TAF1D: variants seen among roughly 807,000 people sequenced by gnomAD.
TAF1D encodes TATA box-binding protein-associated factor RNA polymerase I subunit D.
Under a neutral mutation model 26.2 loss-of-function variants are expected in TAF1D, and 23 were observed. That is an observed-to-expected ratio of 0.88 (90% CI 0.63 to 1.25). The LOEUF is 1.25. Among genes scored for constraint, TAF1D ranks in the 50% most tolerant of loss-of-function variants. The pLI is 0.00. For missense variants in TAF1D, 299 were observed against 322.0 expected, an observed-to-expected ratio of 0.93 and a Z score of 0.55; for synonymous variants, 100 against 105.6, an observed-to-expected ratio of 0.95 and a Z score of 0.33.
At chr11:93,730,419 G>A (rs932111430) in exon 12 of TAF1D, 1 of 775,008 alleles carries the variant, frequency 1.3e-6, no homozygotes, top group African/African-American at 1.7e-5. Context: ...TAAAGAGCTG[G>A]AGTCAAAAGA....
chr11:93,738,205 A>ATC lies in TAF1D; in HGVS notation c.361_362dup (p.Asp121GlufsTer17), dbSNP rs778371905. The ATC allele has an allele frequency of 6.2e-7, 1 of 1,604,348 alleles. No homozygotes were observed. On this transcript the variant is annotated frameshift_variant, in exon 3 of 6. Transcript: ENST00000448108. LOFTEE classifies it high-confidence loss of function. ...CTCTGCTTCTAAATTGTTTCTTCTT[A>ATC]TCTATTAGTGAGTATATAGGATTTC...
At chr11:93,731,501 T>C (rs1365002917), downstream of TAF1D, 2 of 518,884 alleles carry the variant, frequency 3.9e-6, no homozygotes, top group East Asian at 5.4e-5. Context: ...TTAATGTAAA[T>C]GGATGTTCAG....
chr11:93,735,392 G>A (rs1215781974), downstream of TAF1D: 1 of 976,204 alleles, frequency 1.0e-6, no homozygotes. Context: ...GTAGTTAAAA[G>A]TAGTATTAGG....
downstream of TAF1D, chr11:93,734,529 G>A (rs532303170): frequency 1.8e-4 from 77 of 436,576 alleles, no homozygotes; most frequent in African/African-American, 1.5e-3. Context: ...TAAAAGCATG[G>A]TAGAAATGTC....
downstream of TAF1D, chr11:93,731,099 A>G (rs772758458): frequency 3.9e-6 from 2 of 509,636 alleles, no homozygotes; most frequent in Admixed American, 4.1e-5. Context: ...GGTAATGACC[A>G]TTACACCCTT....
At chr11:93,739,396 T>C in intron 1 of TAF1D, 65 bp from the exon 2 acceptor site, 1 of 1,079,492 alleles carries the variant, frequency 9.3e-7, no homozygotes, top group Non-Finnish European at 1.4e-6. Context: ...TCTACTACAG[T>C]GTTGAACGTG....
Position 93,738,294 on chromosome 11 carries a change from T to A in TAF1D, c.274A>T (p.Lys92Ter), listed in dbSNP as rs771873772. 1.1e-5 allele frequency: 18 copies of A among 1,608,456 alleles called. No individual in the cohort carries two copies. Among genetic ancestry groups the A allele is most frequent in the Non-Finnish European group, 1.4e-5 (17 of 1,178,660 alleles). Residue 92 changes from lysine (K) to a stop codon, truncating the protein, a stop_gained, in exon 3 of 6, where the codon AAA (lysine) becomes TAA (stop). Coordinates refer to ENST00000448108, the MANE Select transcript of TAF1D (RefSeq NM_024116.4). LOFTEE classifies it high-confidence loss of function. ...ERFKNRKKRY[K>*]KKKKRRYQPT... ...TGGTACCTCCTCTTTTTCTTTTTTT[T>A]ATATCTCTTTTTCCTGTTCTTGAAT...
rs781329507 is a variant in TAF1D, at chr11:93,737,272, ATTTTAT to A, written c.460-39_460-34del. The A allele has an allele frequency of 2.7e-6, 4 of 1,502,758 alleles. No individual in the cohort carries two copies. In the South Asian group the frequency reaches 5.3e-5, roughly 20 times the overall value. 93.1% of individuals were successfully genotyped at this position (1,502,758 alleles called of 1,614,324 possible). On this transcript the variant is annotated intron_variant, in intron 3 of 5. Coordinates refer to ENST00000448108, the MANE Select transcript of TAF1D (RefSeq NM_024116.4). The stretch of plus-strand genomic sequence containing the variant: ...TTAAAAACACCATAAGTATGTCGAG[ATTTTAT>A]TTTTAAGACCCAGCAGGTGCCTATG...
downstream of TAF1D, chr11:93,735,123 T>A (rs1276818674): frequency 7.4e-7 from 1 of 1,347,246 alleles, no homozygotes; most frequent in Non-Finnish European, 9.8e-7. Context: ...TATCCCTTCT[T>A]ATATGTATCA....
chr11:93,732,785 A>G (rs1242817092), downstream of TAF1D: 1 of 229,460 alleles, frequency 4.4e-6, no homozygotes, highest in East Asian at 1.1e-4. Context: ...CCAGTTACAC[A>G]AAATTCTTTT....
In TAF1D at chr11:93,735,593, G is replaced by A. The variant is rs59651246; in HGVS notation, c.*568C>T. ...GGCTGAGGCAGAATCGCTTGAACCCGGGAGATGGAGGTTGCAGTAAGCCAA... is the reference window on the plus strand; with the variant it reads ...GGCTGAGGCAGAATCGCTTGAACCCAGGAGATGGAGGTTGCAGTAAGCCAA... On this transcript the variant is annotated 3_prime_UTR_variant, in exon 6 of 6. Coordinates refer to ENST00000448108, the MANE Select transcript of TAF1D (RefSeq NM_024116.4). The A allele has an allele frequency of 1.4e-3, 980 of 713,472 alleles. 13 individuals are homozygous for A. The African/African-American group carries it at 0.017, about 13-fold the overall frequency. The allele number at this position is 713,472 out of a possible 1,614,324, so 44.2% of individuals were successfully genotyped here.
downstream of TAF1D, chr11:93,734,939 T>A (rs1013679006): frequency 4.1e-6 from 4 of 971,674 alleles, no homozygotes; most frequent in Non-Finnish European, 4.1e-6. Context: ...AATTTTTAAA[T>A]TTTTGTGGAG....
At chr11:93,735,258 CAGAGT>C (rs771467412), downstream of TAF1D, 102 of 1,334,286 alleles carry the variant, frequency 7.6e-5, no homozygotes, top group African/African-American at 2.7e-4. Flanking sequence ...CACTACATAG[CAGAGT>C]AGTCAGCTCT....
chr11:93,736,850 C>A, intron 4 of TAF1D, 99 bp from the exon 5 acceptor site: 1 of 1,342,442 alleles, frequency 7.4e-7, no homozygotes, highest in Non-Finnish European at 1.0e-6. Context: ...CAATACTAGT[C>A]AAAGGAAACA....
At chr11:93,734,035 A>G (rs34263245), downstream of TAF1D, 1 of 152,424 alleles carries the variant, frequency 6.6e-6, no homozygotes, top group African/African-American at 2.4e-5. Flanking sequence ...ACCAAAGGAA[A>G]AAGATTTAAA....
At chr11:93,737,379 T>C (rs1029282361) in intron 3 of TAF1D, 140 bp from the exon 4 acceptor site, 5 of 497,760 alleles carry the variant, frequency 1.0e-5, no homozygotes, top group South Asian at 4.5e-5. Context: ...TGTGGACTTA[T>C]CAAATGCTGA....
rs1434877343 is a variant in TAF1D, at chr11:93,741,370, C to A, written c.-76G>T. The A allele has an allele frequency of 8.9e-6, 4 of 448,926 alleles. No homozygotes were observed. The highest frequency in any genetic ancestry group is 1.8e-5 in the Non-Finnish European group (4 of 225,018). The allele number at this position is 448,926 out of a possible 1,614,324, so 27.8% of individuals were successfully genotyped here. A position where few individuals can be genotyped will look rare whatever the true frequency, so the allele number is the denominator to read the frequency against. Reference sequence around the variant, plus strand: ...CAACCGCGCACTTGCTGCTTGTAACCCAGGCCTCGGCCCAAAACCCGCGAC... The same window carrying A: ...CAACCGCGCACTTGCTGCTTGTAACACAGGCCTCGGCCCAAAACCCGCGAC... On this transcript the variant is annotated 5_prime_UTR_variant, in exon 1 of 6. Coordinates refer to ENST00000448108, the MANE Select transcript of TAF1D (RefSeq NM_024116.4).
chr11:93,733,687 C>A, downstream of TAF1D: 1 of 459,616 alleles, frequency 2.2e-6, no homozygotes, highest in South Asian at 1.6e-5. Context: ...ATCACTTGAG[C>A]CCAGGGGTTC....
In TAF1D at chr11:93,739,096, A is replaced by G. The variant is rs537049438; in HGVS notation, c.68+141T>C. ...ATTTGCAATGCTATTATATCAATCT[A>G]TGTAACTAGATAAACTTGGAAGGTC... On this transcript the variant is annotated intron_variant, in intron 2 of 5. Transcript: ENST00000448108. The G allele has an allele frequency of 1.4e-4, 90 of 624,548 alleles. 2 individuals are homozygous for G. In the South Asian group the frequency reaches 1.8e-3, roughly 12 times the overall value. The allele number at this position is 624,548 out of a possible 1,614,324, so 38.7% of individuals were successfully genotyped here.
Sources: allele counts gnomAD v4.1 joint callset, GRCh38; gene constraint gnomAD v4.1.1; transcripts MANE v1.5; gene names NCBI Gene and HGNC (gene_info 2026-07-23, HGNC 2026-07-21).